SMYD3: variants seen among roughly 807,000 people sequenced by gnomAD.
SMYD3 encodes the protein SET and MYND domain containing 3.
SMYD3 carries 36 observed loss-of-function variants against 57.7 expected under a neutral mutation model. The ratio of observed to expected loss-of-function variants is 0.62; its 90% CI spans 0.48 to 0.82. SMYD3 has a LOEUF of 0.82. Among genes scored for constraint, SMYD3 ranks in the 40% least tolerant of loss-of-function variants. The pLI is 0.00. For synonymous variants in SMYD3, 211 were observed against 195.0 expected (o/e 1.08, Z -0.68); for missense variants, 515 against 538.8 (o/e 0.96, Z 0.44).
At chr1:245,923,078 C>A (rs1229623587) in intron 7 of SMYD3, among the ~76,000 whole-genome samples, 1 of 152,088 alleles carries the variant, frequency 6.6e-6, no homozygotes, top group Non-Finnish European at 1.5e-5. Flanking sequence ...GGAAACATCA[C>A]GTTTCAATCA....
chr1:245,851,102 G>A (rs918722295), intron 10 of SMYD3, among the ~76,000 whole-genome samples: 1 of 152,142 alleles, frequency 6.6e-6, no homozygotes, highest in South Asian at 2.1e-4. Context: ...TTGATCCACT[G>A]CAGGGCCTCC....
At chr1:245,777,608 G>A (rs2046657605) in intron 10 of SMYD3, among the ~76,000 whole-genome samples, 1 of 152,100 alleles carries the variant, frequency 6.6e-6, no homozygotes, top group East Asian at 1.9e-4. Context: ...GTAAAAATCA[G>A]AGGAGATTTG....
At chr1:246,501,920 C>G (rs1227388995) in intron 1 of SMYD3, among the ~76,000 whole-genome samples, 1 of 152,186 alleles carries the variant, frequency 6.6e-6, no homozygotes, top group Non-Finnish European at 1.5e-5. Context: ...TTAGCAACCA[C>G]TTCCCTAGCG....
At chr1:246,140,462 A>G (rs2061735148) in intron 5 of SMYD3, among the ~76,000 whole-genome samples, 2 of 152,252 alleles carry the variant, frequency 1.3e-5, no homozygotes, top group African/African-American at 4.8e-5. Flanking sequence ...TAGTACCGCT[A>G]GCAGTTACTG....
chr1:246,055,443 GAAGAC>G (rs959701340), intron 5 of SMYD3, among the ~76,000 whole-genome samples: 3 of 152,000 alleles, frequency 2.0e-5, no homozygotes, highest in African/African-American at 4.8e-5. Context: ...AAAAATAAAA[GAAGAC>G]AAGAAAAAAT....
chr1:245,823,191 A>G (rs1394558947), intron 10 of SMYD3, among the ~76,000 whole-genome samples: 1 of 152,234 alleles, frequency 6.6e-6, no homozygotes, highest in Non-Finnish European at 1.5e-5. Context: ...AGTAACAGGA[A>G]TGGCATTTAG....
intron 5 of SMYD3, among the ~76,000 whole-genome samples, chr1:245,943,740 A>T (rs1205444722): frequency 6.6e-6 from 1 of 152,224 alleles, no homozygotes; most frequent in Non-Finnish European, 1.5e-5. Flanking sequence ...TCAATAAAAT[A>T]CTGGCAAACC....
At position 246,260,252 on chromosome 1, in the gene SMYD3, A is replaced by G. The variant is rs114568264; in HGVS notation, c.531+66949T>C. 2.4e-3 allele frequency among the ~76,000 whole-genome samples: 372 copies of G among 152,226 alleles called. 1 individual carries two copies. Among genetic ancestry groups the G allele is most frequent in the African/African-American group, 8.2e-3 (339 of 41,542 alleles). On this transcript the variant is annotated intron_variant, in intron 5 of 11. Coordinates refer to ENST00000490107, the MANE Select transcript of SMYD3 (RefSeq NM_001167740.2). ...TGCGTGGCTCAGGCTGCTGAACCAGATAAGCAGGTGCTCCAAATGCCTGGA... is the reference window on the plus strand; with the variant it reads ...TGCGTGGCTCAGGCTGCTGAACCAGGTAAGCAGGTGCTCCAAATGCCTGGA...
rs373416343 is a variant in SMYD3 at position 245,877,972 on chromosome 1, G to A, written c.814-14086C>T. On this transcript the variant is annotated intron_variant, in intron 8 of 11. Coordinates refer to ENST00000490107, the MANE Select transcript of SMYD3 (RefSeq NM_001167740.2). ...GGCCCAAGAATCTCAGGGGCAAAGC[G>A]GAGAAGTAAAGGAGGGCACGGAAAC... 1.4e-4 allele frequency among the ~76,000 whole-genome samples: 21 copies of A among 152,240 alleles called. No individual in the cohort carries two copies. In the East Asian group the frequency reaches 3.5e-3, roughly 25 times the overall value.
intron 5 of SMYD3, among the ~76,000 whole-genome samples, chr1:246,156,620 A>G (rs757032927): frequency 5.3e-5 from 8 of 152,240 alleles, no homozygotes; most frequent in Non-Finnish European, 1.2e-4. Context: ...AATAGGACTC[A>G]GTCTCTGCCC....
chr1:246,464,252 A>C (rs1572523364), intron 1 of SMYD3, among the ~76,000 whole-genome samples: 1 of 152,116 alleles, frequency 6.6e-6, no homozygotes, highest in African/African-American at 2.4e-5. Flanking sequence ...GCAGTGGCTC[A>C]CTCCTGTAGA....
intron 5 of SMYD3, among the ~76,000 whole-genome samples, chr1:246,088,380 C>A (rs547313992): frequency 2.0e-5 from 3 of 151,708 alleles, no homozygotes; most frequent in Admixed American, 1.3e-4. Flanking sequence ...GAGGCTGAGG[C>A]GGGCGGATCA....
chr1:246,075,561 AC>A (rs2060531531), intron 5 of SMYD3, among the ~76,000 whole-genome samples: 1 of 152,178 alleles, frequency 6.6e-6, no homozygotes, highest in South Asian at 2.1e-4. Context: ...ATAAAAGAAA[AC>A]TAAAATAATT....
chr1:246,242,117 T>C (rs1159731724), intron 5 of SMYD3, among the ~76,000 whole-genome samples: 1 of 152,182 alleles, frequency 6.6e-6, no homozygotes, highest in Non-Finnish European at 1.5e-5. Flanking sequence ...CTTAGTTATT[T>C]CTTGCCTTCT....
intron 5 of SMYD3, 29 bp downstream of exon 5, chr1:246,327,172 A>G: frequency 6.2e-7 from 1 of 1,613,056 alleles, no homozygotes; most frequent in East Asian, 2.2e-5. Flanking sequence ...TGATGTATGG[A>G]ATTAGCAAAG....
intron 1 of SMYD3, among the ~76,000 whole-genome samples, chr1:246,434,646 A>C (rs977958544): frequency 6.6e-6 from 1 of 152,236 alleles, no homozygotes; most frequent in Non-Finnish European, 1.5e-5. Flanking sequence ...TCAAAACAGA[A>C]CAGATGCTGG....
intron 1 of SMYD3, among the ~76,000 whole-genome samples, chr1:246,463,225 C>T (rs1406113286): frequency 6.6e-6 from 1 of 151,834 alleles, no homozygotes; most frequent in African/African-American, 2.4e-5. Context: ...GAAATTTAGG[C>T]AAGAGGTTAT....
chr1:245,776,353 G>T (rs2046592885), intron 10 of SMYD3, among the ~76,000 whole-genome samples: 1 of 152,066 alleles, frequency 6.6e-6, no homozygotes, highest in African/African-American at 2.4e-5. Flanking sequence ...AGTAAGAAAG[G>T]AGCATTGTCG....
intron 1 of SMYD3, among the ~76,000 whole-genome samples, chr1:246,431,838 T>C (rs1254869940): frequency 6.6e-6 from 1 of 152,230 alleles, no homozygotes; most frequent in Admixed American, 6.5e-5. Context: ...AAGTTCAATC[T>C]CAAATTTCAT....
Sources: gnomAD v4.1 joint callset for allele counts (sites outside exome capture counted in the v4.1 genomes callset) on GRCh38, gnomAD v4.1.1 for gene constraint, MANE v1.5 for transcripts, NCBI Gene and HGNC (gene_info 2026-07-23, HGNC 2026-07-21) for gene names.